The following BNC2 variants were observed in gnomAD, a reference collection of about 807,000 sequenced individuals.
BNC2 encodes the protein basonuclin zinc finger protein 2.
BNC2 carries 20 observed loss-of-function variants against 76.3 expected under a neutral mutation model. The observed-to-expected ratio is 0.26, with a 90% confidence interval of 0.18 to 0.38. The LOEUF (loss-of-function observed/expected upper bound fraction) is 0.38. Among genes scored for constraint, BNC2 ranks in the 10% least tolerant of loss-of-function variants. The probability of loss-of-function intolerance (pLI) is 1.00; values close to 1 mark genes in which losing one functional copy is unlikely to be tolerated. For synonymous variants in BNC2, 582 were observed against 514.8 expected, an observed-to-expected ratio of 1.13 and a Z score of -1.77; for missense variants, 1,382 against 1,399.8, an observed-to-expected ratio of 0.99 and a Z score of 0.20.
chr9:16,663,128 C>CTTTTTT (rs1220327938), intron 3 of BNC2, among the ~76,000 whole-genome samples: 3 of 51,684 alleles, frequency 5.8e-5, no homozygotes, highest in African/African-American at 2.1e-4. Flanking sequence ...ACTCTGTTTA[C>CTTTTTT]TCTTTTTTTT....
At chr9:16,694,020 A>T (rs1165825890) in intron 3 of BNC2, among the ~76,000 whole-genome samples, 1 of 152,186 alleles carries the variant, frequency 6.6e-6, no homozygotes, top group African/African-American at 2.4e-5. Context: ...CCTTCAAGTA[A>T]TCACCATCAA....
chr9:16,599,829 G>A (rs1325878098), intron 3 of BNC2, among the ~76,000 whole-genome samples: 1 of 152,156 alleles, frequency 6.6e-6, no homozygotes, highest in Non-Finnish European at 1.5e-5. Context: ...TCATACATCT[G>A]CATTTTTCAT....
intron 1 of BNC2, among the ~76,000 whole-genome samples, chr9:16,765,311 A>C (rs1825661096): frequency 1.3e-5 from 2 of 152,196 alleles, no homozygotes; most frequent in Admixed American, 1.3e-4. Flanking sequence ...GACTCCTAAA[A>C]TGCAATAATA....
intron 1 of BNC2, among the ~76,000 whole-genome samples, chr9:16,845,481 G>A (rs745598146): frequency 1.1e-4 from 16 of 152,102 alleles, no homozygotes; most frequent in Non-Finnish European, 1.6e-4. Context: ...CAGCAATTTG[G>A]GAGGCCAAGG....
intron 2 of BNC2, among the ~76,000 whole-genome samples, chr9:16,732,696 A>G (rs565158484): frequency 2.4e-4 from 37 of 152,318 alleles, no homozygotes; most frequent in African/African-American, 8.7e-4. Context: ...TTGGTTAAGT[A>G]CAGAGCTGGG....
chr9:16,541,562 A>G (rs1472380998), intron 5 of BNC2, among the ~76,000 whole-genome samples: 1 of 152,204 alleles, frequency 6.6e-6, no homozygotes, highest in East Asian at 1.9e-4. Flanking sequence ...CAGCACAGAG[A>G]CAAGTAGCTC....
At chr9:16,728,046 G>T (rs755308937) in intron 2 of BNC2, 49 bp from the exon 3 acceptor site, 2 of 1,507,448 alleles carry the variant, frequency 1.3e-6, no homozygotes, top group Non-Finnish European at 1.8e-6. Context: ...CCAGTAGCAG[G>T]AGTGTAGTGT....
At chr9:16,684,129 C>T (rs1013507373) in intron 3 of BNC2, among the ~76,000 whole-genome samples, 5 of 152,056 alleles carry the variant, frequency 3.3e-5, no homozygotes, top group African/African-American at 1.2e-4. Flanking sequence ...CTGCAAAACC[C>T]AATTTTCTTT....
At position 16,855,134 on chromosome 9, in the gene BNC2, C is replaced by CAT. The variant is rs1554751789; in HGVS notation, c.3+15511_3+15512insAT. ...TACAGATACATACATGTTCACATGGCGTGTGTGTGTGTGTGTGTGATCTCC... is the reference window on the plus strand; with the variant it reads ...TACAGATACATACATGTTCACATGGCATGTGTGTGTGTGTGTGTGTGATCTCC... On this transcript the variant is annotated intron_variant, in intron 1 of 6. Transcript: ENST00000380672. Among the ~76,000 whole-genome samples the CAT allele has an allele frequency of 2.2e-4, 33 of 149,974 alleles. 1 individual carries two copies. The South Asian group carries it at 6.9e-3, about 32-fold the overall frequency.
chr9:16,418,475 C>T lies in BNC2; in HGVS notation c.*514G>A, dbSNP rs991970853. On this transcript the variant is annotated 3_prime_UTR_variant, in exon 7 of 7. Transcript: ENST00000380672. ...CAAGGCTAAATATTTACAGGTGAAT[C>T]TGCCATGCTTTAATTGAAGATTCTT... is the stretch of plus-strand genomic sequence containing the variant. 7.1e-5 allele frequency: 11 copies of T among 154,264 alleles called. No individual in the cohort carries two copies. The highest frequency in any genetic ancestry group is 2.6e-4 in the African/African-American group (11 of 41,570). 9.6% of individuals were successfully genotyped at this position (154,264 alleles called of 1,614,324 possible). A position where few individuals can be genotyped will look rare whatever the true frequency, so the allele number is the denominator to read the frequency against.
chr9:16,753,863 T>TA (rs773781605), intron 1 of BNC2, among the ~76,000 whole-genome samples: 35 of 19,086 alleles, frequency 1.8e-3, no homozygotes, highest in African/African-American at 2.9e-3. Context: ...GATGGGTAGT[T>TA]ACAGTAATCC....
At position 16,832,126 on chromosome 9, in the gene BNC2, T is replaced by C; in HGVS notation, c.3+38520A>G. On this transcript the variant is annotated intron_variant, in intron 1 of 6. Coordinates refer to ENST00000380672, the MANE Select transcript of BNC2 (RefSeq NM_017637.6). The stretch of plus-strand genomic sequence containing the variant: ...TATGAGTAAAATACTGCAATGCAGC[T>C]TCCTGGATGTAGGATATTTCAACGG... 4 of 286,894 alleles carry C rather than the reference T, an allele frequency of 1.4e-5. 1 individual carries two copies. The South Asian group carries it at 1.6e-4, about 12-fold the overall frequency. The allele number at this position is 286,894 out of a possible 1,614,324, so 17.8% of individuals were successfully genotyped here.
intron 5 of BNC2, among the ~76,000 whole-genome samples, chr9:16,452,332 T>C (rs1358726653): frequency 3.3e-5 from 5 of 152,206 alleles, no homozygotes; most frequent in African/African-American, 4.8e-5. Context: ...GTCTCTCATA[T>C]AGTTGGCAGT....
At chr9:16,751,134 G>A (rs1034705630) in intron 1 of BNC2, among the ~76,000 whole-genome samples, 1 of 151,220 alleles carries the variant, frequency 6.6e-6, no homozygotes, top group Non-Finnish European at 1.5e-5. Context: ...GCTTTTCCAG[G>A]TAAGCACAAG....
intron 1 of BNC2, among the ~76,000 whole-genome samples, chr9:16,869,278 T>C (rs1223412517): frequency 1.3e-5 from 2 of 152,216 alleles, no homozygotes; most frequent in Non-Finnish European, 2.9e-5. Flanking sequence ...GATTATTTTA[T>C]GATGTCTTTT....
chr9:16,769,706 T>A (rs78351329), intron 1 of BNC2, among the ~76,000 whole-genome samples: 1 of 152,274 alleles, frequency 6.6e-6, no homozygotes, highest in Non-Finnish European at 1.5e-5. Context: ...GTCGCCAGCT[T>A]AATGTAAAGA....
At chr9:16,604,681 C>T (rs1024327298) in intron 3 of BNC2, among the ~76,000 whole-genome samples, 6 of 151,618 alleles carry the variant, frequency 4.0e-5, no homozygotes, top group Non-Finnish European at 8.8e-5. Flanking sequence ...GGTGGGCGCC[C>T]GTAATCCCAG....
In BNC2 at chr9:16,633,752, CTAAGG is replaced by C. The variant is rs367915015; in HGVS notation, c.331-50672_331-50668del. Among the ~76,000 whole-genome samples the C allele has an allele frequency of 1.7e-3, 259 of 152,180 alleles. 2 individuals carry two copies. The highest frequency in any genetic ancestry group is 5.7e-3 in the African/African-American group (235 of 41,510). On this transcript the variant is annotated intron_variant, in intron 3 of 6. Transcript: ENST00000380672. ...ATCCAAGTAAATAGCGGTTTGCAAACTAAGGTATGTTTATTTCTGTGATGGCTACA... is the reference window on the plus strand; with the variant it reads ...ATCCAAGTAAATAGCGGTTTGCAAACTATGTTTATTTCTGTGATGGCTACA...
At position 16,535,052 on chromosome 9, in the gene BNC2, T is replaced by C. The variant is rs191107117; in HGVS notation, c.669+17478A>G. ...TCCAAATTTTTAACTTTTGTCACAA[T>C]TGACATTTCTACATATAAAAATAAT... On this transcript the variant is annotated intron_variant, in intron 5 of 6. Transcript: ENST00000380672. Among the ~76,000 whole-genome samples the C allele has an allele frequency of 3.5e-4, 54 of 152,316 alleles. No homozygotes were observed. In the East Asian group the frequency reaches 6.0e-3, roughly 17 times the overall value.
Sources: gnomAD v4.1 joint callset for allele counts (sites outside exome capture counted in the v4.1 genomes callset) on GRCh38, gnomAD v4.1.1 for gene constraint, MANE v1.5 for transcripts, NCBI Gene and HGNC (gene_info 2026-07-23, HGNC 2026-07-21) for gene names.